MED13: variants seen among roughly 807,000 people sequenced by gnomAD.
MED13 encodes the protein mediator complex subunit 13.
In MED13, 23 loss-of-function variants were observed where a neutral mutation model predicts 225.2. That is an observed-to-expected ratio of 0.10 (90% CI 0.07 to 0.14). The LOEUF is 0.14. MED13 is among the 10% of genes least tolerant of loss of function. The pLI, the probability that MED13 is intolerant of heterozygous loss-of-function variation, is 1.00. For synonymous variants in MED13, 942 were observed against 889.2 expected, an observed-to-expected ratio of 1.06 and a Z score of -1.06; for missense variants, 2,197 against 2,594.5, an observed-to-expected ratio of 0.85 and a Z score of 3.33.
intron 3 of MED13, among the ~76,000 whole-genome samples, chr17:62,039,068 T>C (rs2080830400): frequency 6.6e-6 from 1 of 152,208 alleles, no homozygotes; most frequent in Non-Finnish European, 1.5e-5. Context: ...AATCCAGTAT[T>C]CCAAAGTACA....
intron 21 of MED13, 36 bp from the exon 22 acceptor site, chr17:61,961,815 T>C: frequency 6.3e-7 from 1 of 1,578,508 alleles, no homozygotes; most frequent in South Asian, 1.1e-5. Context: ...AATGTTAAAC[T>C]TCCAAAAGAG....
chr17:61,955,856 A>AT lies in MED13; in HGVS notation c.5624-19_5624-18insA, dbSNP rs1567940315. 3.9e-5 allele frequency: 7 copies of AT among 178,692 alleles called. No homozygotes were observed. The highest frequency in any genetic ancestry group is 2.2e-4 in the African/African-American group (7 of 31,684). The allele number at this position is 178,692 out of a possible 1,614,324, so 11.1% of individuals were successfully genotyped here. On this transcript the variant is annotated intron_variant, in intron 24 of 29. Coordinates refer to ENST00000397786, the MANE Select transcript of MED13 (RefSeq NM_005121.3). ...GCTCCAATCTGTGGGTATCAACAGT[A>AT]AAAAAAAAAAAAAAAAAAAAAAAAA... is the stretch of plus-strand genomic sequence containing the variant.
At chr17:61,948,857 C>T (rs1478522078) in intron 28 of MED13, among the ~76,000 whole-genome samples, 9 of 151,148 alleles carry the variant, frequency 6.0e-5, no homozygotes, top group Non-Finnish European at 8.9e-5. Flanking sequence ...GAGGCCGAGG[C>T]GGGCGGATCA....
In MED13 at chr17:61,961,607, G is replaced by A. The variant is rs2080001182; in HGVS notation, c.5237C>T (p.Thr1746Ile). Residue 1746 changes from threonine to isoleucine, a missense_variant, in exon 22 of 30, where the codon ACT becomes ATT. By Grantham distance (89) the Thr-to-Ile change is moderately conservative (BLOSUM62 -1). Around this residue, in one of 12 missense-constraint regions of MED13, gnomAD observed 457 missense variants for 442.2 expected, o/e 1.03. Transcript: ENST00000397786. ...ACTTACATCAGGACTTCTAAGGGCAGTTTCCATGGCTAAACCTGGACCAAA... is the reference window on the plus strand; with the variant it reads ...ACTTACATCAGGACTTCTAAGGGCAATTTCCATGGCTAAACCTGGACCAAA... ...TGFGPGLAME[T>I]ALRSPDRPEC... 6.2e-7 allele frequency: 1 copy of A among 1,612,408 alleles called. No individual in the cohort carries two copies. The highest frequency in any genetic ancestry group is 2.2e-5 in the East Asian group (1 of 44,778).
At chr17:62,057,957 A>G (rs1337011387) in intron 2 of MED13, among the ~76,000 whole-genome samples, 1 of 152,200 alleles carries the variant, frequency 6.6e-6, no homozygotes, top group Non-Finnish European at 1.5e-5. Flanking sequence ...GAAAGAATAA[A>G]AGCCAATGAT....
chr17:62,038,776 A>G (rs1202487918), intron 3 of MED13, among the ~76,000 whole-genome samples: 1 of 151,848 alleles, frequency 6.6e-6, no homozygotes, highest in Non-Finnish European at 1.5e-5. Flanking sequence ...AAATCCTCCC[A>G]TCTCACCCTC....
chr17:62,021,969 C>A (rs113962171), intron 8 of MED13, among the ~76,000 whole-genome samples: 1 of 151,928 alleles, frequency 6.6e-6, no homozygotes, highest in Non-Finnish European at 1.5e-5. Flanking sequence ...GAGTTTGAGA[C>A]CAGCCTGACC....
chr17:62,063,209 A>G lies in MED13; in HGVS notation c.159T>C (p.Ile53=). Residue 53 remains isoleucine (I), a synonymous_variant, in exon 2 of 30, where the codon ATT becomes ATC. Coordinates refer to ENST00000397786, the MANE Select transcript of MED13 (RefSeq NM_005121.3). ...TAAGGCAGCGACTAAAACTGCTCAA[A>G]ATGGGGTCTTCTTCTGTCACAGGAA... The part of the protein sequence containing the change: ...ILFPVTEEDP[I]LSSFSRCLKA... The G allele has an allele frequency of 1.2e-6, 2 of 1,614,080 alleles. No individual in the cohort carries two copies. Among genetic ancestry groups the G allele is most frequent in the Non-Finnish European group, 1.7e-6 (2 of 1,179,992 alleles).
At chr17:61,969,898 G>C (rs962546370) in intron 17 of MED13, among the ~76,000 whole-genome samples, 27 of 151,810 alleles carry the variant, frequency 1.8e-4, no homozygotes, top group Admixed American at 1.5e-3. Context: ...CGTCATGCCT[G>C]GTGAGTGTTC....
Position 62,044,402 on chromosome 17 carries a change from C to T in MED13, c.470+8135G>A, listed in dbSNP as rs368318349. On this transcript the variant is annotated intron_variant, in intron 3 of 29. Transcript: ENST00000397786. ...TACAATGGCCATTAACAACAGCCAT[C>T]CTTTCCTTCCTGTGAACTTTTACTG... Among the ~76,000 whole-genome samples, 9 of 152,250 alleles carry T rather than the reference C, an allele frequency of 5.9e-5. No homozygotes were observed. The East Asian group carries it at 9.7e-4, about 16-fold the overall frequency.
At chr17:62,012,896 A>G (rs997461571) in intron 8 of MED13, among the ~76,000 whole-genome samples, 3 of 151,322 alleles carry the variant, frequency 2.0e-5, no homozygotes, top group Admixed American at 6.6e-5. Flanking sequence ...AGGTTCAAGC[A>G]GTTTTCCTGC....
At chr17:61,947,073 T>C (rs1000180951) in intron 28 of MED13, 56 bp from the exon 29 acceptor site, 3 of 1,205,152 alleles carry the variant, frequency 2.5e-6, no homozygotes, top group Non-Finnish European at 3.7e-6. Context: ...ATCTGCTATT[T>C]AGTTTTACCT....
In MED13 at chr17:61,946,313, G is replaced by T; in HGVS notation, c.*155C>A. 1 of 828,920 alleles carries T rather than the reference G, an allele frequency of 1.2e-6. No homozygotes were observed. The highest frequency in any genetic ancestry group is 1.8e-6 in the Non-Finnish European group (1 of 548,626). The allele number at this position is 828,920 out of a possible 1,614,324, so 51.3% of individuals were successfully genotyped here. A position where few individuals can be genotyped will look rare whatever the true frequency, so the allele number is the denominator to read the frequency against. On this transcript the variant is annotated 3_prime_UTR_variant, in exon 30 of 30. Transcript: ENST00000397786. ...GTCAATGAAAAATAGCAGGGTTATAGCCCCTCCCCCCAAGTCAAAACAATA... is the reference window on the plus strand; with the variant it reads ...GTCAATGAAAAATAGCAGGGTTATATCCCCTCCCCCCAAGTCAAAACAATA...
In MED13 at chr17:62,033,448, T is replaced by C. The variant is rs1246323884; in HGVS notation, c.814+339A>G. ...TGGCTTGGCCATTTAACTAGCTTTG[T>C]CTAATGCAATGTGAGCAGATGTAAC... On this transcript the variant is annotated intron_variant, in intron 5 of 29. Coordinates refer to ENST00000397786, the MANE Select transcript of MED13 (RefSeq NM_005121.3). Among the ~76,000 whole-genome samples, 5 of 152,198 alleles carry C rather than the reference T, an allele frequency of 3.3e-5. No homozygotes were observed. The South Asian group carries it at 8.3e-4, about 25-fold the overall frequency.
intron 6 of MED13, 62 bp from the exon 7 acceptor site, chr17:62,030,075 T>C (rs939084664): frequency 7.4e-7 from 1 of 1,346,632 alleles, no homozygotes; most frequent in Non-Finnish European, 9.7e-7. Context: ...GTAACATTAT[T>C]TGGGTTTTTT....
chr17:62,015,511 A>G (rs751674387), intron 8 of MED13, among the ~76,000 whole-genome samples: 3 of 152,210 alleles, frequency 2.0e-5, no homozygotes, highest in Middle Eastern at 3.4e-3. Context: ...GCAGACCTAC[A>G]TACATAAGAG....
At chr17:62,045,306 C>G (rs1438608638) in intron 3 of MED13, among the ~76,000 whole-genome samples, 1 of 152,156 alleles carries the variant, frequency 6.6e-6, no homozygotes, top group African/African-American at 2.4e-5. Context: ...ACCGCACACT[C>G]AGCTAAATGG....
At chr17:62,060,272 G>A (rs779265323) in intron 2 of MED13, among the ~76,000 whole-genome samples, 6 of 151,562 alleles carry the variant, frequency 4.0e-5, no homozygotes, top group African/African-American at 9.7e-5. Context: ...CAGCCTGGGC[G>A]ACAAAGCAAG....
At chr17:62,003,712 CTT>C (rs1487525838) in intron 9 of MED13, 2 of 148,842 alleles carry the variant, frequency 1.3e-5, no homozygotes, top group African/African-American at 4.9e-5. Flanking sequence ...AATTAAAACT[CTT>C]TTATTCAATC....
Sources: allele counts gnomAD v4.1 joint callset (sites outside exome capture counted in the v4.1 genomes callset), GRCh38; gene constraint gnomAD v4.1.1; regional missense constraint gnomAD v4.1.1; transcripts MANE v1.5; gene names NCBI Gene and HGNC (gene_info 2026-07-23, HGNC 2026-07-21).